Variants in DHRSX observed in about 807,000 individuals in gnomAD.
DHRSX encodes the protein polyprenol dehydrogenase.
Under a neutral mutation model 34.0 loss-of-function variants are expected in DHRSX, and 31 were observed. That is an observed-to-expected ratio of 0.91 (90% CI 0.69 to 1.23). The LOEUF is 1.23. Among genes scored for constraint, DHRSX ranks in the 50% most tolerant of loss-of-function variants. The pLI is 0.00. For synonymous variants in DHRSX, 201 were observed against 183.8 expected, an observed-to-expected ratio of 1.09 and a Z score of -0.76; for missense variants, 414 against 428.1, an observed-to-expected ratio of 0.97 and a Z score of 0.29.
chrX:2,344,013 C>T (rs991038787), intron 3 of DHRSX, among the ~76,000 whole-genome samples: 27 of 152,206 alleles, frequency 1.8e-4, no homozygotes, highest in Non-Finnish European at 3.7e-4. Context: ...TCCTTGAAAA[C>T]TCCGTGCATC....
chrX:2,315,312 T>G (rs772361149), intron 3 of DHRSX, among the ~76,000 whole-genome samples: 36 of 152,286 alleles, frequency 2.4e-4, no homozygotes, highest in African/African-American at 7.9e-4. Flanking sequence ...CCAGTCCAGT[T>G]TGGCAACAAA....
At chrX:2,496,834 C>T (rs1182644181) in intron 1 of DHRSX, among the ~76,000 whole-genome samples, 4 of 148,330 alleles carry the variant, frequency 2.7e-5, no homozygotes, top group African/African-American at 9.8e-5. Flanking sequence ...ATAAATATAA[C>T]TTATTTGTAT....
chrX:2,446,691 G>A (rs1266857012), intron 1 of DHRSX, among the ~76,000 whole-genome samples: 1 of 151,488 alleles, frequency 6.6e-6, no homozygotes, highest in Non-Finnish European at 1.5e-5. Flanking sequence ...AGGGACCACC[G>A]CCATGTACTC....
intron 1 of DHRSX, chrX:2,490,446 T>C: frequency 1.9e-6 from 3 of 1,613,940 alleles, no homozygotes; most frequent in Non-Finnish European, 2.5e-6. Flanking sequence ...GAGAAGGCGG[T>C]GGCGAAGGCT....
At chrX:2,321,146 C>T (rs1468205990) in intron 3 of DHRSX, among the ~76,000 whole-genome samples, 2 of 151,992 alleles carry the variant, frequency 1.3e-5, no homozygotes, top group African/African-American at 4.8e-5. Context: ...ATCTTCATGC[C>T]GAGGGGATGG....
chrX:2,340,879 A>G (rs1251885524), intron 3 of DHRSX, among the ~76,000 whole-genome samples: 4 of 152,106 alleles, frequency 2.6e-5, no homozygotes, highest in East Asian at 3.9e-4. Context: ...AATGGGACCT[A>G]TGAAAAGATG....
At chrX:2,378,335 T>C (rs1210385806) in intron 3 of DHRSX, among the ~76,000 whole-genome samples, 1 of 152,184 alleles carries the variant, frequency 6.6e-6, no homozygotes, top group Non-Finnish European at 1.5e-5. Flanking sequence ...AACTAAAATA[T>C]TGAGCCTCCC....
chrX:2,451,948 T>C (rs1386374341), intron 1 of DHRSX, among the ~76,000 whole-genome samples: 16 of 149,466 alleles, frequency 1.1e-4, no homozygotes, highest in African/African-American at 3.9e-4. Context: ...CATGTACACA[T>C]TGAAGACATT....
At chrX:2,429,443 CTG>C (rs2043889808) in intron 1 of DHRSX, among the ~76,000 whole-genome samples, 2 of 99,374 alleles carry the variant, frequency 2.0e-5, no homozygotes, top group African/African-American at 1.1e-4. Flanking sequence ...ATCCTGTTCT[CTG>C]TGATGCTTTT....
Position 2,425,194 on chromosome X carries a change from C to T in DHRSX, c.217+3G>A, listed in dbSNP as rs2043828105. 1 of 1,600,222 alleles carries T rather than the reference C, an allele frequency of 6.2e-7. No individual in the cohort carries two copies. Among genetic ancestry groups the T allele is most frequent in the Admixed American group, 1.7e-5 (1 of 58,432 alleles). The stretch of plus-strand genomic sequence containing the variant: ...AAACACAAGTAACTGTAAAAGTCAT[C>T]ACCTATGATAACATGCATGCCAAGT... On this transcript the variant is annotated splice_donor_region_variant and intron_variant, in intron 2 of 6. Coordinates refer to ENST00000334651, the MANE Select transcript of DHRSX (RefSeq NM_145177.3).
At chrX:2,296,752 G>C (rs2041937716) in intron 3 of DHRSX, among the ~76,000 whole-genome samples, 1 of 26,274 alleles carries the variant, frequency 3.8e-5, no homozygotes, top group South Asian at 2.2e-3. Context: ...CAGGCAGATA[G>C]GAATAGGACC....
intron 3 of DHRSX, among the ~76,000 whole-genome samples, chrX:2,377,007 AG>A (rs1345575669): frequency 2.0e-5 from 3 of 147,252 alleles, no homozygotes; most frequent in Non-Finnish European, 3.0e-5. Context: ...AAAAAAAAAA[AG>A]GAGAAGAGGA....
chrX:2,383,633 C>T lies in DHRSX; in HGVS notation c.286+25112G>A, dbSNP rs892530631. On this transcript the variant is annotated intron_variant, in intron 3 of 6. Transcript: ENST00000334651. Reference sequence around the variant, plus strand: ...ATTTTCCTGTATTTTATTCCTTTGGCCAGTACTTTTTATATCCCAGTGATG... The same window carrying T: ...ATTTTCCTGTATTTTATTCCTTTGGTCAGTACTTTTTATATCCCAGTGATG... 1.4e-4 allele frequency among the ~76,000 whole-genome samples: 21 copies of T among 152,288 alleles called. No homozygotes were observed. In the South Asian group the frequency reaches 1.7e-3, roughly 12 times the overall value.
In DHRSX at chrX:2,255,677, G is replaced by A. The variant is rs146966336; in HGVS notation, c.596+11063C>T. ...TGTAATCCCAGCACATTGGGAAGTC[G>A]AAGTGGGCAGATCATTCGAGGTCAG... is the stretch of plus-strand genomic sequence containing the variant. On this transcript the variant is annotated intron_variant, in intron 5 of 6. Transcript: ENST00000334651. Among the ~76,000 whole-genome samples, 200 of 152,050 alleles carry A rather than the reference G, an allele frequency of 1.3e-3. 3 individuals carry two copies. The East Asian group carries it at 0.032, about 25-fold the overall frequency.
At chrX:2,272,252 AT>A (rs1294086000) in intron 4 of DHRSX, among the ~76,000 whole-genome samples, 6 of 152,068 alleles carry the variant, frequency 3.9e-5, no homozygotes, top group Non-Finnish European at 8.8e-5. Context: ...TTTTCCTCAT[AT>A]TTTATTTGAT....
At chrX:2,282,889 G>A (rs1178054562) in intron 4 of DHRSX, among the ~76,000 whole-genome samples, 2 of 140,054 alleles carry the variant, frequency 1.4e-5, no homozygotes, top group Non-Finnish European at 3.0e-5. Flanking sequence ...GAGGGAGGGA[G>A]GAGGGAGAAG....
At position 2,327,170 on chromosome X, in the gene DHRSX, G is replaced by T. The variant is rs73187643; in HGVS notation, c.287-35567C>A. 3.9e-3 allele frequency among the ~76,000 whole-genome samples: 592 copies of T among 152,288 alleles called. 4 individuals carry two copies. Among genetic ancestry groups the T allele is most frequent in the Non-Finnish European group, 5.2e-3 (353 of 68,028 alleles). ...TTTTCGTGCATGAGTGACGCTGGCG[G>T]CCATGTACTCAGCCATTCCATCAAG... On this transcript the variant is annotated intron_variant, in intron 3 of 6. Coordinates refer to ENST00000334651, the MANE Select transcript of DHRSX (RefSeq NM_145177.3).
chrX:2,343,083 C>A (rs1172882614), intron 3 of DHRSX, among the ~76,000 whole-genome samples: 1 of 152,136 alleles, frequency 6.6e-6, no homozygotes, highest in Non-Finnish European at 1.5e-5. Context: ...CTAAGATAAA[C>A]CCGTCTCCGA....
chrX:2,381,719 C>A (rs1204864854), intron 3 of DHRSX, among the ~76,000 whole-genome samples: 1 of 147,580 alleles, frequency 6.8e-6, no homozygotes, highest in South Asian at 2.1e-4. Flanking sequence ...TCCCTAAGAG[C>A]GACAGGTAGA....
Sources: allele counts gnomAD v4.1 joint callset (sites outside exome capture counted in the v4.1 genomes callset), GRCh38; gene constraint gnomAD v4.1.1; transcripts MANE v1.5; gene names NCBI Gene and HGNC (gene_info 2026-07-23, HGNC 2026-07-21).